Variants in TLE6 observed in about 807,000 individuals in gnomAD.
The protein encoded by TLE6 is transducin-like enhancer protein 6.
TLE6 carries 72 observed loss-of-function variants against 77.1 expected under a neutral mutation model. The observed-to-expected ratio is 0.93, with a 90% CI of 0.77 to 1.14. The LOEUF (loss-of-function observed/expected upper bound fraction) is 1.14. Ranked by LOEUF, TLE6 falls within the 50% of genes most tolerant of loss-of-function variation. The pLI is 0.00. For synonymous variants in TLE6, 366 were observed against 287.3 expected (o/e 1.27, Z -2.77); for missense variants, 843 against 747.6 (o/e 1.13, Z -1.49).
Position 2,987,360 on chromosome 19 carries a change from G to A in TLE6, c.546G>A (p.Gln182=), listed in dbSNP as rs1568213581. Residue 182 remains glutamine, a synonymous_variant, in exon 8 of 17, where the codon CAG becomes CAA. Transcript: ENST00000246112. ...TCTCCGTTGTCATGGTGACAGAGCA[G>A]GCACCAGGCCTGGTGAGTAAACAAC... The part of the protein sequence containing the change: ...DEKAKPRDRQ[Q]APGLGQESKA... 1 of 1,614,052 alleles carries A rather than the reference G, an allele frequency of 6.2e-7. No homozygotes were observed. Among genetic ancestry groups the A allele is most frequent in the Non-Finnish European group, 8.5e-7 (1 of 1,180,024 alleles).
chr19:2,990,413 C>T (rs2089018557), intron 13 of TLE6, among the ~76,000 whole-genome samples: 2 of 151,148 alleles, frequency 1.3e-5, no homozygotes, highest in South Asian at 2.1e-4. Context: ...ACCATTCTAG[C>T]TGACACGGTG....
At chr19:2,992,338 G>A (rs1055572674) in intron 14 of TLE6, among the ~76,000 whole-genome samples, 2 of 152,194 alleles carry the variant, frequency 1.3e-5, no homozygotes, top group African/African-American at 4.8e-5. Context: ...CAGGCATGGT[G>A]GCACATGCCT....
At chr19:2,979,245 C>G (rs926610619) in intron 2 of TLE6, among the ~76,000 whole-genome samples, 1 of 151,932 alleles carries the variant, frequency 6.6e-6, no homozygotes, top group South Asian at 2.1e-4. Context: ...AGCCACCACA[C>G]TTGGCCAAGA....
chr19:2,992,808 TGGG>T (rs368950735), intron 14 of TLE6, among the ~76,000 whole-genome samples: 1 of 14,696 alleles, frequency 6.8e-5, no homozygotes, highest in Non-Finnish European at 1.3e-4. Context: ...GGGAGGCGGG[TGGG>T]GGGGGGGGAG....
At chr19:2,982,070 G>T in intron 4 of TLE6, 78 bp from the exon 5 acceptor site, 5 of 1,466,118 alleles carry the variant, frequency 3.4e-6, no homozygotes, top group Non-Finnish European at 4.7e-6. Context: ...GGCCAGAGAG[G>T]TAGAGCAGCT....
At chr19:2,987,464 A>T in intron 8 of TLE6, 92 bp downstream of exon 8, 2 of 1,566,234 alleles carry the variant, frequency 1.3e-6, no homozygotes, top group Non-Finnish European at 1.8e-6. Context: ...TTCCTGTGGG[A>T]TTTGTCTTCC....
At chr19:2,984,218 CGG>C (rs750507838) in intron 5 of TLE6, 2 of 152,204 alleles carry the variant, frequency 1.3e-5, no homozygotes, top group African/African-American at 2.4e-5. Flanking sequence ...ATTAAAGTGC[CGG>C]TAAATTGCGC....
Position 2,987,801 on chromosome 19 carries a change from C to A in TLE6, c.625+11C>A, listed in dbSNP as rs773372523. Reference sequence around the variant, plus strand: ...CTGAAGATGCCTCCAGTAATCCCAGCGGGCAGGGGCCGACCGACTCCAGGC... The same window carrying A: ...CTGAAGATGCCTCCAGTAATCCCAGAGGGCAGGGGCCGACCGACTCCAGGC... On this transcript the variant is annotated intron_variant, in intron 9 of 16. Transcript: ENST00000246112. The A allele has an allele frequency of 6.2e-7, 1 of 1,614,116 alleles. No homozygotes were observed. The highest frequency in any genetic ancestry group is 1.3e-5 in the African/African-American group (1 of 75,044).
chr19:2,994,355 A>G (rs554402620), intron 16 of TLE6, among the ~76,000 whole-genome samples: 30 of 152,290 alleles, frequency 2.0e-4, no homozygotes, highest in Non-Finnish European at 3.4e-4. Flanking sequence ...TCACGCCTGT[A>G]ATCCCAGCAC....
Position 2,995,035 on chromosome 19 carries a change from T to G in TLE6, c.*31T>G. The G allele has an allele frequency of 1.5e-6, 2 of 1,349,870 alleles. No individual in the cohort carries two copies. Among genetic ancestry groups the G allele is most frequent in the Non-Finnish European group, 1.0e-6 (1 of 978,982 alleles). 83.6% of individuals were successfully genotyped at this position (1,349,870 alleles called of 1,614,324 possible). Reference sequence around the variant, plus strand: ...CTCGCTGCTGTCATCCCACTCCGGCTCCTCTTTTCATCCCCCCCCTTCCCC... The same window carrying G: ...CTCGCTGCTGTCATCCCACTCCGGCGCCTCTTTTCATCCCCCCCCTTCCCC... On this transcript the variant is annotated 3_prime_UTR_variant, in exon 17 of 17. Transcript: ENST00000246112.
In TLE6 at chr19:2,991,911, G is replaced by A. The variant is rs1257108715; in HGVS notation, c.1313G>A (p.Gly438Asp). 6.2e-7 allele frequency: 1 copy of A among 1,613,916 alleles called. No homozygotes were observed. Residue 438 changes from glycine (G) to aspartate (D), a missense_variant, in exon 14 of 17, where the codon GGT (glycine) becomes GAT (aspartate). Gly to Asp is a moderately conservative substitution (Grantham distance 94, BLOSUM62 -1). Coordinates refer to ENST00000246112, the MANE Select transcript of TLE6 (RefSeq NM_001143986.2). ...VVKGYNIWTGGPDACLRCWDQ... is the reference protein window; with the variant it reads ...VVKGYNIWTGDPDACLRCWDQ... ...AAGGGCTACAACATCTGGACTGGGG[G>A]TCCGGATGCCTGTCTGCGGTGCTGG...
At chr19:2,984,780 C>T (rs2088873496) in intron 5 of TLE6, among the ~76,000 whole-genome samples, 1 of 151,986 alleles carries the variant, frequency 6.6e-6, no homozygotes, top group Non-Finnish European at 1.5e-5. Context: ...TTTCTTTATA[C>T]TTTGAACATG....
At chr19:2,988,212 A>AT in intron 11 of TLE6, 84 bp downstream of exon 11, 1 of 1,322,426 alleles carries the variant, frequency 7.6e-7, no homozygotes, top group Non-Finnish European at 1.1e-6. Flanking sequence ...CCCGACACAT[A>AT]GAGGGGAACA....
At chr19:2,983,302 CGAG>C (rs2088836890) in intron 5 of TLE6, among the ~76,000 whole-genome samples, 1 of 152,016 alleles carries the variant, frequency 6.6e-6, no homozygotes, top group South Asian at 2.1e-4. Flanking sequence ...ACCCTTGGGG[CGAG>C]TGGAGCCTGG....
In TLE6 at chr19:2,988,095, C is replaced by G; in HGVS notation, c.707C>G (p.Pro236Arg). ...TGTGATCTCCCCCGCCTGCAGGAGC[C>G]TCCTGGAAGAGCCTCTCGGTTTCTA... ...RNTSWGVVQE[P>R]PGRASRFLQS... The change falls in exon 11 of 17, where the codon CCT (proline) becomes CGT (arginine). Residue 236 changes from proline to arginine, a missense_variant. Coordinates refer to ENST00000246112, the MANE Select transcript of TLE6 (RefSeq NM_001143986.2). 2.6e-6 allele frequency: 4 copies of G among 1,552,366 alleles called. No individual in the cohort carries two copies. The Admixed American group carries it at 7.8e-5, about 30-fold the overall frequency.
chr19:2,988,484 G>C (rs768563465), intron 11 of TLE6, among the ~76,000 whole-genome samples: 8 of 152,130 alleles, frequency 5.3e-5, no homozygotes, highest in Admixed American at 5.2e-4. Context: ...TTTAGTCCCA[G>C]CTACTCGGGA....
chr19:2,985,252 G>A (rs1200949751), intron 5 of TLE6, among the ~76,000 whole-genome samples: 1 of 151,232 alleles, frequency 6.6e-6, no homozygotes, highest in African/African-American at 2.4e-5. Context: ...TGTCTCAAAA[G>A]AGAAAAAAAA....
At chr19:2,986,176 G>T (rs1248622625) in intron 5 of TLE6, among the ~76,000 whole-genome samples, 1 of 151,292 alleles carries the variant, frequency 6.6e-6, no homozygotes, top group East Asian at 2.0e-4. Flanking sequence ...ACTTTGGGAG[G>T]CACACGTGGG....
intron 13 of TLE6, among the ~76,000 whole-genome samples, chr19:2,990,359 T>A (rs1165569792): frequency 6.6e-6 from 1 of 151,546 alleles, no homozygotes; most frequent in African/African-American, 2.4e-5. Flanking sequence ...TCCCAGCAGT[T>A]AGGGAGGCCG....
Sources: gnomAD v4.1 joint callset for allele counts (sites outside exome capture counted in the v4.1 genomes callset) on GRCh38, gnomAD v4.1.1 for gene constraint, MANE v1.5 for transcripts, NCBI Gene and HGNC (gene_info 2026-07-23, HGNC 2026-07-21) for gene names.